NREP: variants seen among roughly 807,000 people sequenced by gnomAD.
The protein encoded by NREP is neuronal regeneration-related protein.
NREP carries 5 observed loss-of-function variants against 8.6 expected under a neutral mutation model. That is an observed-to-expected ratio of 0.58 (90% CI 0.30 to 1.22). The LOEUF (loss-of-function observed/expected upper bound fraction) is 1.22, where lower values mean the gene tolerates loss of function less well. NREP is among the 50% of genes most tolerant of loss of function. The probability of loss-of-function intolerance (pLI) is 0.07; values close to 1 mark genes in which losing one functional copy is unlikely to be tolerated. For synonymous variants in NREP, 27 were observed against 28.0 expected (o/e 0.96, Z 0.11); for missense variants, 86 against 82.5 (o/e 1.04, Z -0.17).
intron 2 of NREP, among the ~76,000 whole-genome samples, chr5:111,880,716 C>A (rs972222804): frequency 1.4e-5 from 2 of 145,478 alleles, no homozygotes; most frequent in Non-Finnish European, 3.0e-5. Context: ...GTGCATAACA[C>A]TAGGAACATA....
intron 2 of NREP, among the ~76,000 whole-genome samples, chr5:111,749,591 A>G (rs1247392925): frequency 3.9e-5 from 6 of 152,192 alleles, no homozygotes; most frequent in African/African-American, 1.4e-4. Context: ...GTTGGCTTAC[A>G]TTTTCAATAA....
intron 2 of NREP, among the ~76,000 whole-genome samples, chr5:111,865,388 T>C (rs890066679): frequency 1.3e-5 from 2 of 152,078 alleles, no homozygotes; most frequent in Admixed American, 6.6e-5. Context: ...CTCGTGAACA[T>C]TGAAAATACA....
At chr5:111,860,293 C>T (rs772722148) in intron 2 of NREP, among the ~76,000 whole-genome samples, 2 of 152,146 alleles carry the variant, frequency 1.3e-5, no homozygotes, top group Non-Finnish European at 2.9e-5. Flanking sequence ...TTGATTGCCT[C>T]TTCCCGTTTA....
intron 2 of NREP, among the ~76,000 whole-genome samples, chr5:111,918,632 T>C (rs1755133680): frequency 1.3e-5 from 2 of 152,134 alleles, no homozygotes; most frequent in Admixed American, 6.6e-5. Flanking sequence ...ATTTAATAAA[T>C]GGTGTTGGGA....
At chr5:111,792,659 C>T (rs890733893) in intron 2 of NREP, among the ~76,000 whole-genome samples, 4 of 151,756 alleles carry the variant, frequency 2.6e-5, no homozygotes, top group Non-Finnish European at 4.4e-5. Flanking sequence ...TGGCTAGATG[C>T]GACAGAATGT....
intron 2 of NREP, among the ~76,000 whole-genome samples, chr5:111,888,272 G>T (rs1754309410): frequency 6.6e-6 from 1 of 152,108 alleles, no homozygotes; most frequent in Non-Finnish European, 1.5e-5. Context: ...GCTGTGAAGA[G>T]ATACCTGAGA....
chr5:111,976,723 T>C (rs1203978674), exon 1 of NREP: 4 of 1,550,830 alleles, frequency 2.6e-6, no homozygotes, highest in Non-Finnish European at 3.5e-6. Context: ...AGCAGAATAA[T>C]TCCAAACTCC....
chr5:111,751,338 A>T (rs575023697), intron 2 of NREP, among the ~76,000 whole-genome samples: 1 of 152,240 alleles, frequency 6.6e-6, no homozygotes, highest in African/African-American at 2.4e-5. Context: ...TAAGTCCCAA[A>T]CCATTAGGGC....
chr5:111,953,833 A>G (rs1385050049), intron 2 of NREP, among the ~76,000 whole-genome samples: 3 of 152,142 alleles, frequency 2.0e-5, no homozygotes, highest in African/African-American at 7.2e-5. Context: ...TAGACAAAGA[A>G]AGGCACAACA....
At chr5:111,780,065 T>G (rs1256919546) in intron 2 of NREP, among the ~76,000 whole-genome samples, 1 of 152,224 alleles carries the variant, frequency 6.6e-6, no homozygotes, top group African/African-American at 2.4e-5. Flanking sequence ...AATTGTCATT[T>G]TAAACCACAA....
chr5:111,925,557 C>T (rs1201036722), intron 2 of NREP, among the ~76,000 whole-genome samples: 1 of 152,140 alleles, frequency 6.6e-6, no homozygotes, highest in Non-Finnish European at 1.5e-5. Context: ...GGTCCTATTG[C>T]CTGTTTCTGT....
intron 2 of NREP, chr5:111,846,150 G>A: frequency 6.2e-6 from 1 of 160,304 alleles, no homozygotes; most frequent in Non-Finnish European, 1.3e-5. Context: ...GAAGAGGTGG[G>A]ATTTTCCCTT....
intron 2 of NREP, among the ~76,000 whole-genome samples, chr5:111,797,755 C>T (rs1411847961): frequency 2.0e-5 from 3 of 152,164 alleles, no homozygotes; most frequent in African/African-American, 7.2e-5. Context: ...GCCTTCCAAC[C>T]ATTAAGGCCC....
intron 2 of NREP, among the ~76,000 whole-genome samples, chr5:111,805,251 A>G (rs1752114073): frequency 6.6e-6 from 1 of 152,234 alleles, no homozygotes; most frequent in Non-Finnish European, 1.5e-5. Context: ...AAATTACACA[A>G]CTGCTCTGAA....
chr5:111,860,179 A>C (rs1753513688), intron 2 of NREP, among the ~76,000 whole-genome samples: 1 of 152,150 alleles, frequency 6.6e-6, no homozygotes, highest in South Asian at 2.1e-4. Flanking sequence ...CACCAGTGTG[A>C]GTATGTGTAC....
At chr5:111,963,079 C>G (rs1756524467) in intron 2 of NREP, among the ~76,000 whole-genome samples, 2 of 152,260 alleles carry the variant, frequency 1.3e-5, no homozygotes, top group Non-Finnish European at 2.9e-5. Flanking sequence ...CGCAACGAGG[C>G]AAGGGGCCCA....
intron 2 of NREP, chr5:111,912,812 T>C (rs1754949539): frequency 6.6e-6 from 1 of 152,110 alleles, no homozygotes; most frequent in African/African-American, 2.4e-5. Context: ...AATAAGTTAA[T>C]CAATAAATGA....
Position 111,730,207 on chromosome 5 carries a change from A to C in NREP, c.*714T>G, listed in dbSNP as rs1748426638. The stretch of plus-strand genomic sequence containing the variant: ...TTCGCTCAACCTACAACACTGAGGA[A>C]GAAAGCCACACTGAAGACACAAGGA... On this transcript the variant is annotated 3_prime_UTR_variant, in exon 4 of 4. Coordinates refer to ENST00000257435, the MANE Select transcript of NREP (RefSeq NM_004772.4). 1 of 152,608 alleles carries C rather than the reference A, an allele frequency of 6.6e-6. No individual in the cohort carries two copies. The highest frequency in any genetic ancestry group is 2.1e-4 in the South Asian group (1 of 4,828). 9.5% of individuals were successfully genotyped at this position (152,608 alleles called of 1,614,324 possible). A position where few individuals can be genotyped will look rare whatever the true frequency, so the allele number is the denominator to read the frequency against.
chr5:111,791,737 T>C (rs1650218897), intron 2 of NREP, among the ~76,000 whole-genome samples: 1 of 152,196 alleles, frequency 6.6e-6, no homozygotes, highest in African/African-American at 2.4e-5. Flanking sequence ...CCTCCCAAAG[T>C]GTTGGGATTA....
Sources: gnomAD v4.1 joint callset for allele counts (sites outside exome capture counted in the v4.1 genomes callset) on GRCh38, gnomAD v4.1.1 for gene constraint, MANE v1.5 for transcripts, NCBI Gene and HGNC (gene_info 2026-07-23, HGNC 2026-07-21) for gene names.